RBPJ: variants seen among roughly 807,000 people sequenced by gnomAD.
RBPJ encodes recombining binding protein suppressor of hairless.
RBPJ carries 9 observed loss-of-function variants against 67.8 expected under a neutral mutation model. The observed-to-expected ratio is 0.13, with a 90% CI of 0.08 to 0.23. The LOEUF (loss-of-function observed/expected upper bound fraction) is 0.23, where lower values mean the gene tolerates loss of function less well. Ranked by LOEUF, RBPJ falls within the 10% of genes least tolerant of loss-of-function variation. The pLI is 1.00. For synonymous variants in RBPJ, 198 were observed against 203.3 expected, an observed-to-expected ratio of 0.97 and a Z score of 0.22; for missense variants, 305 against 595.6, an observed-to-expected ratio of 0.51 and a Z score of 5.08.
intron 1 of RBPJ, among the ~76,000 whole-genome samples, chr4:26,296,381 T>C (rs1721875310): frequency 6.6e-6 from 1 of 152,324 alleles, no homozygotes. Context: ...AGCATAAAGC[T>C]ACATTCAACA....
At chr4:26,361,968 T>C (rs545397725) in intron 1 of RBPJ, among the ~76,000 whole-genome samples, 2 of 152,302 alleles carry the variant, frequency 1.3e-5, no homozygotes, top group South Asian at 4.1e-4. Flanking sequence ...CTTTAGAAAC[T>C]GGAGCTGTTT....
chr4:26,145,847 T>C, the RBPJ span, among the ~76,000 whole-genome samples: 2,928 of 152,324 alleles, frequency 0.019, 102 homozygotes, highest in African/African-American at 0.067. Context: ...AGACAAATGA[T>C]ACCAAAGAAA....
At chr4:26,277,274 CAAA>C (rs754017128) in intron 1 of RBPJ, among the ~76,000 whole-genome samples, 5 of 113,434 alleles carry the variant, frequency 4.4e-5, no homozygotes, top group African/African-American at 9.3e-5. Flanking sequence ...CCTGTTTGTT[CAAA>C]AAAAAAAAAA....
At chr4:26,258,192 C>CA (rs1411774275) in intron 1 of RBPJ, among the ~76,000 whole-genome samples, 1 of 152,212 alleles carries the variant, frequency 6.6e-6, no homozygotes, top group Non-Finnish European at 1.5e-5. Context: ...AGTCATTCCA[C>CA]AGTGGTCCAT....
At chr4:26,342,495 T>C (rs1041197991) in intron 1 of RBPJ, among the ~76,000 whole-genome samples, 3 of 152,212 alleles carry the variant, frequency 2.0e-5, no homozygotes, top group Non-Finnish European at 4.4e-5. Context: ...TGTAATTTAG[T>C]ATGTGGTGAT....
chr4:26,382,616 C>T (rs1333792994), intron 1 of RBPJ, among the ~76,000 whole-genome samples: 1 of 152,152 alleles, frequency 6.6e-6, no homozygotes, highest in African/African-American at 2.4e-5. Context: ...AGTCACAACT[C>T]ACTGCAGCCT....
intron 1 of RBPJ, among the ~76,000 whole-genome samples, chr4:26,214,268 A>AAG (rs1553849606): frequency 1.1e-4 from 15 of 142,812 alleles, no homozygotes; most frequent in South Asian, 6.7e-4. Flanking sequence ...AGACGAAAGA[A>AAG]AGAAAGAGAA....
intron 1 of RBPJ, among the ~76,000 whole-genome samples, chr4:26,291,859 AG>A (rs1721681736): frequency 6.6e-6 from 1 of 150,988 alleles, no homozygotes; most frequent in Non-Finnish European, 1.5e-5. Context: ...TATAGGTGTG[AG>A]TCACTGCGTC....
the RBPJ span, among the ~76,000 whole-genome samples, chr4:26,142,768 G>T: frequency 6.6e-6 from 1 of 151,936 alleles, no homozygotes; most frequent in African/African-American, 2.4e-5. Flanking sequence ...GTGTGTGTGT[G>T]TGTATGTGTG....
intron 1 of RBPJ, among the ~76,000 whole-genome samples, chr4:26,342,265 C>CCA (rs768055116): frequency 8.8e-6 from 1 of 114,118 alleles, no homozygotes; most frequent in Non-Finnish European, 1.8e-5. Context: ...CCTGGGTTAT[C>CCA]AAAAAAAAAA....
intron 1 of RBPJ, among the ~76,000 whole-genome samples, chr4:26,223,412 C>T (rs148221126): frequency 1.5e-4 from 23 of 152,264 alleles, no homozygotes; most frequent in African/African-American, 4.6e-4. Context: ...GAGATGGGAA[C>T]GACCAACTTT....
At chr4:26,389,920 GACATA>G (rs1731330913) in intron 2 of RBPJ, among the ~76,000 whole-genome samples, 1 of 152,122 alleles carries the variant, frequency 6.6e-6, no homozygotes, top group Non-Finnish European at 1.5e-5. Context: ...TGGAGAGCAG[GACATA>G]CTTCTCAGTT....
intron 2 of RBPJ, among the ~76,000 whole-genome samples, chr4:26,396,965 C>G (rs1732181132): frequency 6.6e-6 from 1 of 152,028 alleles, no homozygotes; most frequent in Non-Finnish European, 1.5e-5. Flanking sequence ...TGATAGTATC[C>G]CTAGATTGTC....
intron 1 of RBPJ, among the ~76,000 whole-genome samples, chr4:26,243,595 T>C (rs1719721725): frequency 6.6e-6 from 1 of 152,240 alleles, no homozygotes; most frequent in African/African-American, 2.4e-5. Flanking sequence ...TGACAAAGCA[T>C]GATGCTATAA....
intron 1 of RBPJ, among the ~76,000 whole-genome samples, chr4:26,324,830 G>T (rs1014469107): frequency 6.6e-6 from 1 of 152,166 alleles, no homozygotes; most frequent in Non-Finnish European, 1.5e-5. Context: ...TGCCTGGCCT[G>T]CATGTAGTAA....
the RBPJ span, among the ~76,000 whole-genome samples, chr4:26,129,254 C>T: frequency 6.6e-6 from 1 of 152,130 alleles, no homozygotes. Context: ...TTCTGTTTCC[C>T]AGCCCAGTGA....
At chr4:26,341,105 C>G (rs1298465275) in intron 1 of RBPJ, among the ~76,000 whole-genome samples, 2 of 152,166 alleles carry the variant, frequency 1.3e-5, no homozygotes, top group African/African-American at 4.8e-5. Context: ...TCATCAAGAT[C>G]TGTGTTGGTG....
chr4:26,303,214 A>AAATC (rs1215595737), intron 1 of RBPJ, among the ~76,000 whole-genome samples: 6 of 145,566 alleles, frequency 4.1e-5, no homozygotes, highest in African/African-American at 1.5e-4. Flanking sequence ...ATAAATAAAT[A>AAATC]AATAATAAAT....
At chr4:26,302,535 C>G (rs1197058558) in intron 1 of RBPJ, among the ~76,000 whole-genome samples, 2 of 152,184 alleles carry the variant, frequency 1.3e-5, no homozygotes, top group African/African-American at 4.8e-5. Context: ...TCAAGTCTCC[C>G]CAGCGTTGGG....
Sources: allele counts gnomAD v4.1 joint callset (sites outside exome capture counted in the v4.1 genomes callset), GRCh38; gene constraint gnomAD v4.1.1; transcripts MANE v1.5; gene names NCBI Gene and HGNC (gene_info 2026-07-23, HGNC 2026-07-21).